BAP1: variants seen among roughly 807,000 people sequenced by gnomAD.
BAP1 encodes BRCA1 associated deubiquitinase 1.
BAP1 carries 16 observed loss-of-function variants against 77.2 expected under a neutral mutation model. The ratio of observed to expected loss-of-function variants is 0.21; its 90% CI spans 0.14 to 0.31. The LOEUF is 0.31. Ranked by LOEUF, BAP1 falls within the 10% of genes least tolerant of loss-of-function variation. The pLI is 1.00. For synonymous variants in BAP1, 362 were observed against 385.2 expected (o/e 0.94, Z 0.71); for missense variants, 699 against 967.3 (o/e 0.72, Z 3.68).
chr3:52,407,816 AAG>A (rs1705213375), intron 5 of BAP1, 140 bp downstream of exon 5: 7 of 1,372,128 alleles, frequency 5.1e-6, no homozygotes, highest in Middle Eastern at 2.5e-4. Flanking sequence ...CAATTTATTT[AAG>A]AGTCAAATGT....
chr3:52,407,235 A>G lies in BAP1; in HGVS notation c.519T>C (p.Tyr173=), dbSNP rs143901408. The G allele has an allele frequency of 1.1e-4, 172 of 1,614,174 alleles. 1 individual carries two copies. In the African/African-American group the frequency reaches 2.0e-3, roughly 19 times the overall value. The part of the protein sequence containing the change: ...RTMEAFHFVS[Y]VPITGRLFEL... ...CAAAGAGCCGGCCTGTGATAGGCACATAGCTGACAAAGTGGAACGCCTCCA... is the reference window on the plus strand; with the variant it reads ...CAAAGAGCCGGCCTGTGATAGGCACGTAGCTGACAAAGTGGAACGCCTCCA... The change falls in exon 7 of 17, where the codon TAT becomes TAC. Residue 173 remains tyrosine, a synonymous_variant. Coordinates refer to ENST00000460680, the MANE Select transcript of BAP1 (RefSeq NM_004656.4).
intron 7 of BAP1, 21 bp downstream of exon 7, chr3:52,407,153 C>T (rs754015966): frequency 3.1e-6 from 5 of 1,613,200 alleles, no homozygotes; most frequent in Non-Finnish European, 4.2e-6. Flanking sequence ...ACCCAACAGG[C>T]CTCCAGCTCA....
rs1578226535 is a variant in BAP1 at position 52,407,305 on chromosome 3, C to T, written c.449G>A (p.Arg150His). ...AHNSHARPEP[R>H]HLPEKQNGLS... ...GCCATTCTGCTTCTCAGGGAGGTGG[C>T]GTGGCTCGGGCCTGGGGAAAAACAG... Residue 150 changes from arginine (R) to histidine (H), a missense_variant, in exon 7 of 17, where the codon CGC (arginine) becomes CAC (histidine). Physicochemically the swap from Arg to His is conservative, Grantham distance 29 (BLOSUM62 0). This residue lies in a region of BAP1 where 160 missense variants were observed against 322.8 expected (regional missense o/e 0.50). Transcript: ENST00000460680. 4.3e-6 allele frequency: 7 copies of T among 1,613,998 alleles called. No individual in the cohort carries two copies. The highest frequency in any genetic ancestry group is 5.9e-6 in the Non-Finnish European group (7 of 1,180,030).
chr3:52,402,859 G>C lies in BAP1; in HGVS notation c.1903C>G (p.Leu635Val), dbSNP rs1559585460. 1 of 1,614,156 alleles carries C rather than the reference G, an allele frequency of 6.2e-7. No individual in the cohort carries two copies. Among genetic ancestry groups the C allele is most frequent in the South Asian group, 1.1e-5 (1 of 91,090 alleles). Residue 635 changes from leucine (L) to valine (V), a missense_variant, in exon 15 of 17, where the codon CTG becomes GTG. Physicochemically the swap from Leu to Val is conservative, Grantham distance 32. Around this residue, in one of 3 missense-constraint regions of BAP1, gnomAD observed 475 missense variants for 532.4 expected, o/e 0.89. Transcript: ENST00000460680. This position sits in a 1 kb window ranked among gnomAD's most constrained non-coding sequence, Gnocchi z 5.3. ...EKYSPKELLA[L>V]LKCVEAEIAN... ...ATCTCAGCCTCCACACACTTCAGCA[G>C]TGCCAGCAGCTCCTGCCAAAACCCA...
rs1705113385 is a variant in BAP1 at position 52,405,263 on chromosome 3, T to G, written c.963A>C (p.Ala321=). ...DGAEEAAGSC[A]QAPSHSPPNK... is the part of the protein sequence containing the mutation. ...TGGGAGGGCTGTGGGATGGGGCTTG[T>G]GCGCATGAACCAGCCGCCTCCTCTG... is the stretch of plus-strand genomic sequence containing the variant. Residue 321 remains alanine, a synonymous_variant, in exon 11 of 17, where the codon GCA becomes GCC. Transcript: ENST00000460680. The G allele has an allele frequency of 6.2e-7, 1 of 1,613,822 alleles. No homozygotes were observed. Among genetic ancestry groups the G allele is most frequent in the Non-Finnish European group, 8.5e-7 (1 of 1,179,988 alleles).
chr3:52,406,833 C>A lies in BAP1; in HGVS notation c.655G>T (p.Ala219Ser), dbSNP rs1193905526. 6.4e-7 allele frequency: 1 copy of A among 1,556,404 alleles called. No individual in the cohort carries two copies. Among genetic ancestry groups the A allele is most frequent in the Admixed American group, 1.9e-5 (1 of 51,680 alleles). The change falls in exon 8 of 17, where the codon GCA becomes TCA. Residue 219 changes from alanine to serine, a missense_variant. Physicochemically the swap from Ala to Ser is moderately conservative, Grantham distance 99. Coordinates refer to ENST00000460680, the MANE Select transcript of BAP1 (RefSeq NM_004656.4). This position sits in a 1 kb window ranked among gnomAD's most constrained non-coding sequence, Gnocchi z 4.6. ...VIMERIGLAT[A>S]GEPYHDIRFN... ...GGGCAGGCACAGGGCCCTTACCCTG[C>A]AGTGGCGAGGCCGATACGCTCCATG...
chr3:52,404,477 ACGTCATCCTCCT>A lies in BAP1; in HGVS notation c.1214_1225del (p.Glu405_Asp408del), dbSNP rs1553645109. ...CCTAAGGGCAGAGTTGGTGTTCTGC[ACGTCATCCTCCT>A]CGTCATCCTCATAGTCATCCTCATC... On this transcript the variant is annotated inframe_deletion, in exon 12 of 17. Transcript: ENST00000460680. 3 of 1,614,108 alleles carry A rather than the reference ACGTCATCCTCCT, an allele frequency of 1.9e-6. No homozygotes were observed. Among genetic ancestry groups the A allele is most frequent in the African/African-American group, 1.3e-5 (1 of 74,942 alleles).
At position 52,403,121 on chromosome 3, in the gene BAP1, C is replaced by T; in HGVS notation, c.1890+17G>A. 6.2e-7 allele frequency: 1 copy of T among 1,611,808 alleles called. No homozygotes were observed. The highest frequency in any genetic ancestry group is 8.5e-7 in the Non-Finnish European group (1 of 1,179,982). ...CCTCTGCCAGGATTAAAGGAGAAAA[C>T]CACAACGGAGGCTCACCTTGGGTGA... On this transcript the variant is annotated intron_variant, in intron 14 of 16. Transcript: ENST00000460680. This position sits in a 1 kb window ranked among gnomAD's most constrained non-coding sequence, Gnocchi z 4.0.
intron 4 of BAP1, 83 bp from the exon 5 acceptor site, chr3:52,408,160 G>C (rs1261295398): frequency 1.9e-6 from 3 of 1,549,730 alleles, no homozygotes; most frequent in African/African-American, 1.4e-5. Context: ...TGGGGATCCA[G>C]AGCAGGTCAG....
chr3:52,402,506 G>T lies in BAP1; in HGVS notation c.2057-85C>A. The T allele has an allele frequency of 6.2e-7, 1 of 1,606,966 alleles. No homozygotes were observed. The highest frequency in any genetic ancestry group is 8.5e-7 in the Non-Finnish European group (1 of 1,176,540). The stretch of plus-strand genomic sequence containing the variant: ...TCTCATGGCCCTCCCTGTGCCCCAA[G>T]GTCTGCTCAAGCCTCAGGAGAGGCC... On this transcript the variant is annotated intron_variant, in intron 16 of 16. Transcript: ENST00000460680. This position sits in a 1 kb window ranked among gnomAD's most constrained non-coding sequence, Gnocchi z 5.3.
chr3:52,405,521 A>T (rs1043287114), intron 10 of BAP1: 3 of 481,116 alleles, frequency 6.2e-6, no homozygotes, highest in Admixed American at 8.4e-5. Flanking sequence ...AAAAAAAAAA[A>T]CCGCCTCTAG....
At position 52,403,894 on chromosome 3, in the gene BAP1, C is replaced by T. The variant is rs761544042; in HGVS notation, c.1251G>A (p.Arg417=). 3.1e-6 allele frequency: 5 copies of T among 1,613,650 alleles called. No individual in the cohort carries two copies. The East Asian group carries it at 8.9e-5, about 29-fold the overall frequency. The change falls in exon 13 of 17, where the codon AGG becomes AGA. Residue 417 remains arginine (R), a splice_region_variant and synonymous_variant. Transcript: ENST00000460680. The surrounding 1 kb of genome is among the most constrained non-coding windows in gnomAD (Gnocchi z 4.0). ...GCTTCCCTGTTCCCTTCCCCTTATA[C>T]CTGTGGGGCCCGAGAAGATGTGAAG... The part of the protein sequence containing the change: ...DDVQNTNSAL[R]YKGKGTGKPG...
intron 7 of BAP1, 83 bp downstream of exon 7, chr3:52,407,091 A>G: frequency 5.0e-6 from 8 of 1,603,324 alleles, no homozygotes; most frequent in East Asian, 2.2e-5. Flanking sequence ...GCCACTGGGT[A>G]CCACATACCA....
intron 11 of BAP1, among the ~76,000 whole-genome samples, 159 bp downstream of exon 11, chr3:52,404,951 G>A (rs1230000989): frequency 6.6e-6 from 1 of 152,192 alleles, no homozygotes. Context: ...TGTTGTGGGG[G>A]CCTTTTCATA....
Position 52,403,033 on chromosome 3 carries a change from A to G in BAP1, c.1890+105T>C. ...CTTCTGGCACATGGCTCCAGCCACCAATCTTCACACCAAAGTTCCAATCAA... is the reference window on the plus strand; with the variant it reads ...CTTCTGGCACATGGCTCCAGCCACCGATCTTCACACCAAAGTTCCAATCAA... On this transcript the variant is annotated intron_variant, in intron 14 of 16. Transcript: ENST00000460680. The surrounding 1 kb of genome is among the most constrained non-coding windows in gnomAD (Gnocchi z 4.0). 1 of 1,598,462 alleles carries G rather than the reference A, an allele frequency of 6.3e-7. No individual in the cohort carries two copies. Among genetic ancestry groups the G allele is most frequent in the Non-Finnish European group, 8.5e-7 (1 of 1,176,958 alleles).
intron 4 of BAP1, 61 bp downstream of exon 4, chr3:52,408,413 C>A (rs755138506): frequency 6.3e-7 from 1 of 1,590,082 alleles, no homozygotes; most frequent in Non-Finnish European, 8.6e-7. Flanking sequence ...TCCATTTCCA[C>A]TTCCCAAGCA....
chr3:52,408,622 G>C lies in BAP1; in HGVS notation c.123-16C>G, dbSNP rs1559591803. The C allele has an allele frequency of 6.2e-7, 1 of 1,606,242 alleles. No homozygotes were observed. Among genetic ancestry groups the C allele is most frequent in the African/African-American group, 1.3e-5 (1 of 74,866 alleles). On this transcript the variant is annotated splice_polypyrimidine_tract_variant and intron_variant, in intron 3 of 16. Transcript: ENST00000460680. ...ATATACAGGGCTGGGGGAAGTAAGGGGCAGAGCCAGATCAGCCAAAGGGGA... is the reference window on the plus strand; with the variant it reads ...ATATACAGGGCTGGGGGAAGTAAGGCGCAGAGCCAGATCAGCCAAAGGGGA...
At position 52,406,857 on chromosome 3, in the gene BAP1, T is replaced by C. The variant is rs1578225825; in HGVS notation, c.631A>G (p.Met211Val). ...EWTDKARRVI[M>V]ERIGLATAGE... is the part of the protein sequence containing the mutation. ...GCAGTGGCGAGGCCGATACGCTCCATGATGACCCGCCGGGCCTTGTCTGTC... is the reference window on the plus strand; with the variant it reads ...GCAGTGGCGAGGCCGATACGCTCCACGATGACCCGCCGGGCCTTGTCTGTC... Residue 211 changes from methionine to valine, a missense_variant, in exon 8 of 17, where the codon ATG becomes GTG. Met to Val is a conservative substitution (Grantham distance 21). This residue lies in a region of BAP1 where 160 missense variants were observed against 322.8 expected (regional missense o/e 0.50). Coordinates refer to ENST00000460680, the MANE Select transcript of BAP1 (RefSeq NM_004656.4). The surrounding 1 kb of genome is among the most constrained non-coding windows in gnomAD (Gnocchi z 4.6). 1.9e-6 allele frequency: 3 copies of C among 1,563,430 alleles called. No individual in the cohort carries two copies. The highest frequency in any genetic ancestry group is 2.6e-6 in the Non-Finnish European group (3 of 1,153,232).
chr3:52,406,912 TG>T lies in BAP1; in HGVS notation c.581-6del. On this transcript the variant is annotated splice_region_variant and splice_polypyrimidine_tract_variant and intron_variant, in intron 7 of 16. Coordinates refer to ENST00000460680, the MANE Select transcript of BAP1 (RefSeq NM_004656.4). The surrounding 1 kb of genome is among the most constrained non-coding windows in gnomAD (Gnocchi z 4.6). ...CCTCGTCCTCCCCCCAGGGCCCTAGTGGAGACCAAGACAAGGAATCAGCGAG... is the reference window on the plus strand; with the variant it reads ...CCTCGTCCTCCCCCCAGGGCCCTAGTGAGACCAAGACAAGGAATCAGCGAG... The T allele has an allele frequency of 6.4e-7, 1 of 1,570,142 alleles. No homozygotes were observed. Among genetic ancestry groups the T allele is most frequent in the Non-Finnish European group, 8.6e-7 (1 of 1,156,692 alleles).
Sources: gnomAD v4.1 joint callset for allele counts (sites outside exome capture counted in the v4.1 genomes callset) on GRCh38, gnomAD v4.1.1 for gene constraint, gnomAD v4.1.1 regional missense constraint, Gnocchi (gnomAD v3.1) non-coding constraint, MANE v1.5 for transcripts, NCBI Gene and HGNC (gene_info 2026-07-23, HGNC 2026-07-21) for gene names.